HTT: variants seen among roughly 807,000 people sequenced by gnomAD.
The protein encoded by HTT is huntington disease protein.
HTT carries 104 observed loss-of-function variants against 362.3 expected under a neutral mutation model. The ratio of observed to expected loss-of-function variants is 0.29; its 90% CI spans 0.24 to 0.34. The LOEUF is 0.34. Ranked by LOEUF, HTT falls within the 10% of genes least tolerant of loss-of-function variation. The pLI is 1.00. For synonymous variants in HTT, 1,577 were observed against 1,548.7 expected (o/e 1.02, Z -0.43); for missense variants, 3,301 against 3,928.6 (o/e 0.84, Z 4.27).
intron 2 of HTT, among the ~76,000 whole-genome samples, chr4:3,096,168 A>G (rs372714807): frequency 2.5e-4 from 38 of 152,378 alleles, no homozygotes; most frequent in African/African-American, 8.4e-4. Context: ...GGATTCGTTC[A>G]TCAGCCTGGC....
At chr4:3,140,123 C>T (rs56302917) in intron 21 of HTT, among the ~76,000 whole-genome samples, 1,802 of 151,900 alleles carry the variant, frequency 0.012, 45 homozygotes, top group African/African-American at 0.042. Context: ...TAGCCGGGCG[C>T]GGTGGCAGGC....
intron 61 of HTT, among the ~76,000 whole-genome samples, chr4:3,234,669 G>A (rs1019064064): frequency 3.3e-5 from 5 of 152,234 alleles, no homozygotes; most frequent in African/African-American, 1.2e-4. Flanking sequence ...GCGTGGGGCT[G>A]ACCTCAGCAC....
chr4:3,207,123 C>A, intron 44 of HTT, 140 bp downstream of exon 44: 1 of 1,060,312 alleles, frequency 9.4e-7, no homozygotes, highest in Non-Finnish European at 1.4e-6. Flanking sequence ...GCAAACTTGC[C>A]GTTACTCGTG....
chr4:3,182,248 A>T, intron 36 of HTT, 106 bp from the exon 37 acceptor site: 6 of 718,626 alleles, frequency 8.3e-6, no homozygotes, highest in Non-Finnish European at 1.5e-5. Flanking sequence ...ATCTGTTTGG[A>T]TCCTAGAGTC....
At chr4:3,233,452 G>T in intron 61 of HTT, 99 bp downstream of exon 61, 1 of 1,209,606 alleles carries the variant, frequency 8.3e-7, no homozygotes. Context: ...CTGGCCAGAT[G>T]GCAGGCCAGG....
intron 10 of HTT, among the ~76,000 whole-genome samples, chr4:3,124,457 T>C (rs1715430544): frequency 6.6e-6 from 1 of 152,146 alleles, no homozygotes. Context: ...ATAAGACAGA[T>C]GAAGGTAGAG....
chr4:3,212,108 G>A lies in HTT; in HGVS notation c.6594G>A (p.Pro2198=), dbSNP rs531260079. The A allele has an allele frequency of 3.3e-5, 54 of 1,613,736 alleles. 1 individual carries two copies. The South Asian group carries it at 4.3e-4, about 13-fold the overall frequency. ...HVFQPELPAE[P]AAYWSKLNDL... ...TCCAGCCCGAGCTGCCTGCAGAGCC[G>A]GCGGCCTACTGGAGCAAGTTGAATG... Residue 2198 remains proline (P), a synonymous_variant, in exon 48 of 67, where the codon CCG becomes CCA. Transcript: ENST00000355072.
In HTT at chr4:3,074,776, C is replaced by G; in HGVS notation, c.-50C>G. 6.7e-7 allele frequency: 1 copy of G among 1,498,396 alleles called. No individual in the cohort carries two copies. Among genetic ancestry groups the G allele is most frequent in the Non-Finnish European group, 8.9e-7 (1 of 1,129,004 alleles). The allele number at this position is 1,498,396 out of a possible 1,614,324, so 92.8% of individuals were successfully genotyped here. A position where few individuals can be genotyped will look rare whatever the true frequency, so the allele number is the denominator to read the frequency against. ...ATTGCCCCGGTGCTGAGCGGCGCCG[C>G]GAGTCGGCCCGAGGCCTCCGGGGAC... On this transcript the variant is annotated 5_prime_UTR_variant, in exon 1 of 67. Coordinates refer to ENST00000355072, the MANE Select transcript of HTT (RefSeq NM_001388492.1).
intron 40 of HTT, among the ~76,000 whole-genome samples, chr4:3,197,447 G>A (rs1001253093): frequency 1.3e-5 from 2 of 151,852 alleles, no homozygotes; most frequent in African/African-American, 4.8e-5. Flanking sequence ...TCCTCCTCCC[G>A]CTACCCCAGG....
intron 57 of HTT, among the ~76,000 whole-genome samples, chr4:3,226,448 G>C (rs1254815146): frequency 6.6e-6 from 1 of 152,148 alleles, no homozygotes; most frequent in Admixed American, 6.5e-5. Context: ...TCCAGCCTGG[G>C]CAACAGACCA....
chr4:3,131,923 T>G (rs1715836850), intron 16 of HTT, 148 bp downstream of exon 16: 1 of 725,210 alleles, frequency 1.4e-6, no homozygotes, highest in African/African-American at 1.8e-5. Context: ...AGAAAACACA[T>G]GAATAGTGAA....
chr4:3,187,919 A>G (rs1429149026), intron 39 of HTT, 33 bp downstream of exon 39: 1 of 1,354,260 alleles, frequency 7.4e-7, no homozygotes, highest in Non-Finnish European at 1.0e-6. Context: ...TAACTAACCC[A>G]TGCCTTTTGG....
chr4:3,215,123 T>C lies in HTT; in HGVS notation c.6966T>C (p.Pro2322=), dbSNP rs1415544740. 6.2e-7 allele frequency: 1 copy of C among 1,613,856 alleles called. No homozygotes were observed. The highest frequency in any genetic ancestry group is 1.7e-5 in the Admixed American group (1 of 60,014). ...HFILEAVAVQ[P]GEQLLSPERR... is the part of the protein sequence containing the mutation. ...TTGTAATTTTAGTTGCAGTGCAGCCTGGAGAGCAGCTTCTTAGTCCAGAAA... is the reference window on the plus strand; with the variant it reads ...TTGTAATTTTAGTTGCAGTGCAGCCCGGAGAGCAGCTTCTTAGTCCAGAAA... The change falls in exon 51 of 67, where the codon CCT becomes CCC. Residue 2322 remains proline (P), a synonymous_variant. Transcript: ENST00000355072.
intron 35 of HTT, among the ~76,000 whole-genome samples, chr4:3,180,026 C>A (rs1325219647): frequency 6.6e-6 from 1 of 152,092 alleles, no homozygotes; most frequent in African/African-American, 2.4e-5. Context: ...CTGTGTTAGA[C>A]CAAAATAAGA....
intron 51 of HTT, 65 bp from the exon 52 acceptor site, chr4:3,217,700 C>A: frequency 7.2e-7 from 1 of 1,386,888 alleles, no homozygotes; most frequent in Non-Finnish European, 9.9e-7. Context: ...GTAGGTCATG[C>A]TTTCTACACT....
chr4:3,173,813 C>T (rs1021890805), intron 31 of HTT, among the ~76,000 whole-genome samples: 9 of 151,992 alleles, frequency 5.9e-5, no homozygotes, highest in African/African-American at 1.5e-4. Flanking sequence ...GGACTACAGG[C>T]GCCTGCCATC....
intron 4 of HTT, among the ~76,000 whole-genome samples, chr4:3,104,797 G>T (rs902661570): frequency 1.3e-5 from 2 of 152,102 alleles, no homozygotes; most frequent in Non-Finnish European, 2.9e-5. Flanking sequence ...TCAGCTACTT[G>T]GGAGATTGAG....
At chr4:3,213,416 A>G (rs751478192) in intron 49 of HTT, among the ~76,000 whole-genome samples, 1 of 152,212 alleles carries the variant, frequency 6.6e-6, no homozygotes, top group Non-Finnish European at 1.5e-5. Context: ...GCAGGATGAA[A>G]TACTTTATAT....
chr4:3,179,800 CTGTG>C (rs1285589557), intron 35 of HTT, among the ~76,000 whole-genome samples: 3 of 140,534 alleles, frequency 2.1e-5, no homozygotes, highest in East Asian at 4.3e-4. Context: ...GAGTGTGCCT[CTGTG>C]TGTGTGCTCA....
Sources: gnomAD v4.1 joint callset for allele counts (sites outside exome capture counted in the v4.1 genomes callset) on GRCh38, gnomAD v4.1.1 for gene constraint, MANE v1.5 for transcripts, NCBI Gene and HGNC (gene_info 2026-07-23, HGNC 2026-07-21) for gene names.